Variants in MCTP1 observed in about 807,000 individuals in gnomAD.
The protein encoded by MCTP1 is multiple C2 and transmembrane domain-containing protein 1.
In MCTP1, 69 loss-of-function variants were observed where a neutral mutation model predicts 120.6. The observed-to-expected ratio is 0.57, with a 90% CI of 0.47 to 0.70. The LOEUF (loss-of-function observed/expected upper bound fraction) is 0.70, where lower values mean the gene tolerates loss of function less well. Among genes scored for constraint, MCTP1 ranks in the 30% least tolerant of loss-of-function variants. MCTP1 has a pLI of 0.00. For missense variants in MCTP1, 1,203 were observed against 1,248.8 expected, an observed-to-expected ratio of 0.96 and a Z score of 0.55; for synonymous variants, 529 against 493.1, an observed-to-expected ratio of 1.07 and a Z score of -0.96.
At chr5:95,003,369 T>C (rs1834092299) in intron 2 of MCTP1, among the ~76,000 whole-genome samples, 1 of 152,222 alleles carries the variant, frequency 6.6e-6, no homozygotes, top group Non-Finnish European at 1.5e-5. Flanking sequence ...TACAGGATAG[T>C]AGCCTAAGAG....
At chr5:94,756,695 T>C (rs1322208396) in intron 19 of MCTP1, among the ~76,000 whole-genome samples, 1 of 152,184 alleles carries the variant, frequency 6.6e-6, no homozygotes. Context: ...CCACTTTTCT[T>C]TTGCTAAAGA....
chr5:94,834,839 T>C (rs1178193598), intron 17 of MCTP1, among the ~76,000 whole-genome samples: 2 of 117,434 alleles, frequency 1.7e-5, no homozygotes, highest in Non-Finnish European at 3.5e-5. Flanking sequence ...TTTTTTGAGA[T>C]GGAGTTTTAC....
intron 19 of MCTP1, among the ~76,000 whole-genome samples, chr5:94,728,796 T>A (rs1358383877): frequency 1.3e-5 from 2 of 152,232 alleles, no homozygotes; most frequent in Non-Finnish European, 2.9e-5. Context: ...AGAGTTTGTA[T>A]TTAGGGGCCT....
Position 94,706,726 on chromosome 5 carries a change from A to ATAAAT in MCTP1, c.*765_*769dup, listed in dbSNP as rs1277652271. On this transcript the variant is annotated 3_prime_UTR_variant, in exon 23 of 23. Coordinates refer to ENST00000515393, the MANE Select transcript of MCTP1 (RefSeq NM_024717.7). Reference sequence around the variant, plus strand: ...GGTTGCTAATTTGCTAACTAACTGTATAAATTAAAGTAGTGGTAGGTATAA... The same window carrying ATAAAT: ...GGTTGCTAATTTGCTAACTAACTGTATAAATTAAATTAAAGTAGTGGTAGGTATAA... 1 of 151,858 alleles carries ATAAAT rather than the reference A, an allele frequency of 6.6e-6. No individual in the cohort carries two copies. The highest frequency in any genetic ancestry group is 2.4e-5 in the African/African-American group (1 of 41,402). 9.4% of individuals were successfully genotyped at this position (151,858 alleles called of 1,614,324 possible).
chr5:95,176,693 C>CA (rs1056687532), intron 1 of MCTP1, among the ~76,000 whole-genome samples: 4 of 152,082 alleles, frequency 2.6e-5, no homozygotes, highest in Non-Finnish European at 2.9e-5. Flanking sequence ...ACTAAAAATA[C>CA]AAAAAATTAG....
intron 17 of MCTP1, among the ~76,000 whole-genome samples, chr5:94,804,737 C>T (rs1781956303): frequency 6.6e-6 from 1 of 152,164 alleles, no homozygotes; most frequent in Non-Finnish European, 1.5e-5. Context: ...CACACCAGGC[C>T]TATGCTTTTC....
At chr5:95,008,457 C>T (rs1835208050) in intron 2 of MCTP1, among the ~76,000 whole-genome samples, 1 of 152,086 alleles carries the variant, frequency 6.6e-6, no homozygotes, top group Admixed American at 6.6e-5. Flanking sequence ...GTATTGAGTT[C>T]ATCACAGGGG....
chr5:94,880,451 G>A lies in MCTP1; in HGVS notation c.1934-7210C>T, dbSNP rs1206746721. ...AAAAAAATTAAGTCCTCTATTAGGT[G>A]ATTAAACATTTTAAATACATTTTTA... On this transcript the variant is annotated intron_variant, in intron 12 of 22. Coordinates refer to ENST00000515393, the MANE Select transcript of MCTP1 (RefSeq NM_024717.7). Among the ~76,000 whole-genome samples the A allele has an allele frequency of 2.6e-5, 4 of 152,210 alleles. No homozygotes were observed. The South Asian group carries it at 6.2e-4, about 24-fold the overall frequency.
At chr5:95,089,916 C>T (rs777759617) in intron 1 of MCTP1, among the ~76,000 whole-genome samples, 1 of 152,166 alleles carries the variant, frequency 6.6e-6, no homozygotes, top group South Asian at 2.1e-4. Flanking sequence ...CAAAATGTAG[C>T]TTAGTGCCCT....
chr5:94,894,628 G>C (rs1476597945), intron 11 of MCTP1, 21 bp downstream of exon 11: 4 of 1,525,472 alleles, frequency 2.6e-6, no homozygotes, highest in African/African-American at 2.7e-5. Context: ...GTCTCTGGAA[G>C]GAGGAGGGTT....
intron 19 of MCTP1, among the ~76,000 whole-genome samples, chr5:94,724,412 ATT>A (rs34497014): frequency 0.81 from 111,719 of 138,434 alleles, 44,919 homozygotes; most frequent in Admixed American, 0.84. Context: ...CGTCTGGCTA[ATT>A]TTTTTTTTTT....
At chr5:95,167,825 A>G (rs565023806) in intron 1 of MCTP1, among the ~76,000 whole-genome samples, 2 of 151,720 alleles carry the variant, frequency 1.3e-5, no homozygotes, top group East Asian at 1.9e-4. Context: ...GATTGGAAAA[A>G]TTTTCTCCCA....
intron 2 of MCTP1, among the ~76,000 whole-genome samples, chr5:94,983,668 A>AATCTATCTATCTATCT (rs57481277): frequency 1.3e-3 from 203 of 150,788 alleles, no homozygotes; most frequent in African/African-American, 4.8e-3. Context: ...TCTGTCTGTC[A>AATCTATCTATCTATCT]ATCTATCTAT....
chr5:95,122,837 T>A (rs1758340822), intron 1 of MCTP1, among the ~76,000 whole-genome samples: 1 of 152,176 alleles, frequency 6.6e-6, no homozygotes, highest in Non-Finnish European at 1.5e-5. Context: ...GTTCTTGTGA[T>A]TTGCAACAAC....
At chr5:94,737,815 T>C (rs1370692404) in intron 19 of MCTP1, among the ~76,000 whole-genome samples, 1 of 151,948 alleles carries the variant, frequency 6.6e-6, no homozygotes, top group East Asian at 1.9e-4. Context: ...TAGCTGGGAG[T>C]AGAGGTGTGC....
At chr5:95,279,503 C>CCCTGT (rs1323300265) in intron 1 of MCTP1, among the ~76,000 whole-genome samples, 4 of 152,146 alleles carry the variant, frequency 2.6e-5, no homozygotes, top group Admixed American at 2.0e-4. Flanking sequence ...TGGCAAAGCA[C>CCCTGT]CCTGTTAATT....
chr5:94,941,726 T>C (rs1457803465), intron 4 of MCTP1, among the ~76,000 whole-genome samples: 1 of 152,068 alleles, frequency 6.6e-6, no homozygotes, highest in Non-Finnish European at 1.5e-5. Flanking sequence ...AGTTCCTATG[T>C]TGAAATTCAC....
chr5:95,277,366 A>G (rs1375095284), intron 1 of MCTP1, among the ~76,000 whole-genome samples: 1 of 152,234 alleles, frequency 6.6e-6, no homozygotes, highest in Admixed American at 6.5e-5. Flanking sequence ...TAGGCTGGCA[A>G]AAGCCAAGCT....
intron 1 of MCTP1, among the ~76,000 whole-genome samples, chr5:95,148,107 C>T (rs551932544): frequency 6.6e-6 from 1 of 152,278 alleles, no homozygotes; most frequent in African/African-American, 2.4e-5. Flanking sequence ...GTGGCCTGAT[C>T]TTTCTCTCTA....
Sources: allele counts gnomAD v4.1 joint callset (sites outside exome capture counted in the v4.1 genomes callset), GRCh38; gene constraint gnomAD v4.1.1; transcripts MANE v1.5; gene names NCBI Gene and HGNC (gene_info 2026-07-23, HGNC 2026-07-21).